DNAH11: variants seen among roughly 807,000 people sequenced by gnomAD.
DNAH11 encodes axonemal beta dynein heavy chain 11.
DNAH11 carries 442 observed loss-of-function variants against 526.0 expected under a neutral mutation model. The observed-to-expected ratio is 0.84, with a 90% CI of 0.78 to 0.91. The LOEUF is 0.91. Ranked by LOEUF, DNAH11 falls within the 40% of genes least tolerant of loss-of-function variation. DNAH11 has a pLI of 0.00. For synonymous variants in DNAH11, 2,461 were observed against 1,935.9 expected, an observed-to-expected ratio of 1.27 and a Z score of -7.12; for missense variants, 6,989 against 5,448.7, an observed-to-expected ratio of 1.28 and a Z score of -8.90.
intron 9 of DNAH11, among the ~76,000 whole-genome samples, chr7:21,583,023 A>G (rs1358218005): frequency 1.3e-5 from 2 of 152,220 alleles, no homozygotes; most frequent in Non-Finnish European, 2.9e-5. Flanking sequence ...AAAGTAATTT[A>G]TAGATTCAAT....
At position 21,544,996 on chromosome 7, in the gene DNAH11, C is replaced by G. The variant is rs1233776296; in HGVS notation, c.352-10C>G. On this transcript the variant is annotated splice_polypyrimidine_tract_variant and intron_variant, in intron 1 of 81. Transcript: ENST00000409508. ...AACTACTTGAACTAATTATCTTGCT[C>G]TTGTTTTAGATTCCAAGAGATGCAA... is the stretch of plus-strand genomic sequence containing the variant. The G allele has an allele frequency of 6.4e-7, 1 of 1,566,182 alleles. No homozygotes were observed. Among genetic ancestry groups the G allele is most frequent in the Non-Finnish European group, 8.7e-7 (1 of 1,155,610 alleles).
At chr7:21,720,882 C>T (rs754801200) in intron 44 of DNAH11, 26 bp downstream of exon 44, 1 of 1,603,858 alleles carries the variant, frequency 6.2e-7, no homozygotes, top group Non-Finnish European at 8.5e-7. Flanking sequence ...GTTTACAGGA[C>T]CAGTTTCCAG....
At chr7:21,880,027 A>G (rs539863504) in intron 74 of DNAH11, among the ~76,000 whole-genome samples, 11 of 150,964 alleles carry the variant, frequency 7.3e-5, no homozygotes, top group African/African-American at 2.0e-4. Flanking sequence ...AGAGGTTGCA[A>G]TGAGCTGAGT....
chr7:21,835,579 A>C (rs190435885), intron 65 of DNAH11, among the ~76,000 whole-genome samples: 92 of 152,290 alleles, frequency 6.0e-4, no homozygotes, highest in African/African-American at 2.1e-3. Context: ...CATGAGGAAA[A>C]TTCTCAACAA....
At chr7:21,560,928 A>C in intron 4 of DNAH11, 143 bp from the exon 5 acceptor site, 1 of 618,928 alleles carries the variant, frequency 1.6e-6, no homozygotes. Flanking sequence ...ATTATTTTCA[A>C]CTGGAAACCA....
chr7:21,789,220 T>C (rs185962079), intron 60 of DNAH11, 21 bp from the exon 61 acceptor site: 69 of 1,512,592 alleles, frequency 4.6e-5, no homozygotes, highest in South Asian at 2.4e-5. Context: ...TTTGTATCTG[T>C]ATTAATTCAT....
intron 58 of DNAH11, among the ~76,000 whole-genome samples, chr7:21,785,933 T>G (rs1788156060): frequency 6.6e-6 from 1 of 152,206 alleles, no homozygotes; most frequent in Non-Finnish European, 1.5e-5. Context: ...TGGTTGGTTG[T>G]TTTTGTTTTT....
At chr7:21,758,638 AT>A (rs1169265675) in intron 54 of DNAH11, among the ~76,000 whole-genome samples, 8 of 152,264 alleles carry the variant, frequency 5.3e-5, no homozygotes, top group African/African-American at 1.9e-4. Flanking sequence ...CAAGAAAGAT[AT>A]CACGAAAAAG....
chr7:21,832,591 C>T (rs10225993), intron 65 of DNAH11, among the ~76,000 whole-genome samples: 9,855 of 152,238 alleles, frequency 0.065, 977 homozygotes, highest in African/African-American at 0.21. Context: ...CCTCATGCTT[C>T]CTGATGACTA....
chr7:21,765,410 G>A lies in DNAH11; in HGVS notation c.8941-18G>A. ...TTCATCACCCGCCTGTTTCTGCCTTGCCCCCATGTCTCCACAGATCATTTT... is the reference window on the plus strand; with the variant it reads ...TTCATCACCCGCCTGTTTCTGCCTTACCCCCATGTCTCCACAGATCATTTT... On this transcript the variant is annotated intron_variant, in intron 54 of 81. Coordinates refer to ENST00000409508, the MANE Select transcript of DNAH11 (RefSeq NM_001277115.2). 1.9e-6 allele frequency: 3 copies of A among 1,613,282 alleles called. No homozygotes were observed. Among genetic ancestry groups the A allele is most frequent in the Non-Finnish European group, 2.5e-6 (3 of 1,179,522 alleles).
intron 74 of DNAH11, among the ~76,000 whole-genome samples, chr7:21,876,924 G>C (rs1277731197): frequency 6.6e-6 from 1 of 152,208 alleles, no homozygotes; most frequent in Non-Finnish European, 1.5e-5. Context: ...CATATGCCCA[G>C]CTAAAAATTA....
intron 18 of DNAH11, among the ~76,000 whole-genome samples, chr7:21,604,865 A>C (rs991557554): frequency 1.3e-5 from 2 of 152,198 alleles, no homozygotes; most frequent in African/African-American, 2.4e-5. Flanking sequence ...ATGCAAAGTG[A>C]GACTCTGTCT....
At chr7:21,569,080 A>AT (rs1201154159) in intron 6 of DNAH11, among the ~76,000 whole-genome samples, 3 of 152,140 alleles carry the variant, frequency 2.0e-5, no homozygotes, top group African/African-American at 7.2e-5. Context: ...TGATTTCCTT[A>AT]TTGCCTTACA....
chr7:21,599,783 C>T lies in DNAH11; in HGVS notation c.2668-4C>T, dbSNP rs1785001167. The T allele has an allele frequency of 3.3e-6, 5 of 1,527,640 alleles. No homozygotes were observed. The East Asian group carries it at 9.1e-5, about 28-fold the overall frequency. The allele number at this position is 1,527,640 out of a possible 1,614,324, so 94.6% of individuals were successfully genotyped here. On this transcript the variant is annotated splice_polypyrimidine_tract_variant and splice_region_variant and intron_variant, in intron 14 of 81. Coordinates refer to ENST00000409508, the MANE Select transcript of DNAH11 (RefSeq NM_001277115.2). ...TTCATCCACTAATACTTGTCTGTTT[C>T]TAGGAAAATAGGAAGCTCTTCAAAG... is the stretch of plus-strand genomic sequence containing the variant.
At chr7:21,718,155 T>A (rs528903388) in intron 43 of DNAH11, among the ~76,000 whole-genome samples, 1 of 149,612 alleles carries the variant, frequency 6.7e-6, no homozygotes, top group African/African-American at 2.5e-5. Flanking sequence ...CTTTTCACAA[T>A]CTTGTGAAAG....
intron 25 of DNAH11, among the ~76,000 whole-genome samples, chr7:21,632,656 A>T (rs888682825): frequency 6.6e-6 from 1 of 152,178 alleles, no homozygotes; most frequent in African/African-American, 2.4e-5. Context: ...CAAGTTTTTC[A>T]TCTCCATCTG....
intron 2 of DNAH11, among the ~76,000 whole-genome samples, chr7:21,553,252 C>G (rs945722911): frequency 6.6e-6 from 1 of 151,732 alleles, no homozygotes; most frequent in Admixed American, 6.6e-5. Flanking sequence ...TCCTTTATTC[C>G]TAATCCTAAA....
chr7:21,763,835 T>TAC lies in DNAH11; in HGVS notation c.8941-1585_8941-1584dup, dbSNP rs1226719253. 1.1e-4 allele frequency among the ~76,000 whole-genome samples: 16 copies of TAC among 150,280 alleles called. No homozygotes were observed. The East Asian group carries it at 2.3e-3, about 22-fold the overall frequency. ...ATACATATATATACATATATATATA[T>TAC]ACACACACAATGGAATATTTTCATC... On this transcript the variant is annotated intron_variant, in intron 54 of 81. Coordinates refer to ENST00000409508, the MANE Select transcript of DNAH11 (RefSeq NM_001277115.2).
In DNAH11 at chr7:21,860,827, C is replaced by T. The variant is rs1373394104; in HGVS notation, c.11203-1026C>T. Among the ~76,000 whole-genome samples the T allele has an allele frequency of 1.2e-4, 19 of 152,252 alleles. No individual in the cohort carries two copies. In the East Asian group the frequency reaches 3.7e-3, roughly 29 times the overall value. ...TCACAGTTCCACGTGGCTGGGGAGG[C>T]CTCACAATCATGGTGGAAGGCGAAA... On this transcript the variant is annotated intron_variant, in intron 68 of 81. Coordinates refer to ENST00000409508, the MANE Select transcript of DNAH11 (RefSeq NM_001277115.2).
Sources: gnomAD v4.1 joint callset for allele counts (sites outside exome capture counted in the v4.1 genomes callset) on GRCh38, gnomAD v4.1.1 for gene constraint, MANE v1.5 for transcripts, NCBI Gene and HGNC (gene_info 2026-07-23, HGNC 2026-07-21) for gene names.